FAM72B: variants seen among roughly 807,000 people sequenced by gnomAD.
FAM72B encodes the protein RUMY family member 2, also known as protein FAM72B.
Under a neutral mutation model 12.6 loss-of-function variants are expected in FAM72B, and 4 were observed. The ratio of observed to expected loss-of-function variants is 0.32; its 90% CI spans 0.16 to 0.73. FAM72B has a LOEUF of 0.73. Among genes scored for constraint, FAM72B ranks in the 30% least tolerant of loss-of-function variants. The probability of loss-of-function intolerance (pLI) is 0.67; values close to 1 mark genes in which losing one functional copy is unlikely to be tolerated. For synonymous variants in FAM72B, 13 were observed against 53.9 expected (o/e 0.24, Z 3.32); for missense variants, 61 against 158.4 (o/e 0.39, Z 3.30).
intron 3 of FAM72B, among the ~76,000 whole-genome samples, chr1:121,169,911 C>T (rs1316933257): frequency 6.6e-6 from 1 of 152,146 alleles, no homozygotes; most frequent in Non-Finnish European, 1.5e-5. Context: ...TAGTTAAAAA[C>T]ACTAAATGGA....
intron 3 of FAM72B, among the ~76,000 whole-genome samples, chr1:121,172,513 A>G (rs1255106482): frequency 1.4e-5 from 2 of 144,942 alleles, no homozygotes; most frequent in Non-Finnish European, 3.0e-5. Flanking sequence ...CTGTAATCCC[A>G]GCACTTTGGG....
chr1:121,170,133 G>C (rs587765430), intron 3 of FAM72B, among the ~76,000 whole-genome samples: 1 of 151,716 alleles, frequency 6.6e-6, no homozygotes, highest in Non-Finnish European at 1.5e-5. Context: ...ACCATGCCTG[G>C]GTAATTTTTG....
In FAM72B at chr1:121,172,565, C is replaced by T. The variant is rs1381467156; in HGVS notation, c.356-3730G>A. ...ATCACCTGAGGTCAGGAGGTCGAGA[C>T]CAGCCTGGGCAACATGGCAAAACCC... On this transcript the variant is annotated intron_variant, in intron 3 of 3. Transcript: ENST00000369390. Among the ~76,000 whole-genome samples the T allele has an allele frequency of 6.8e-5, 10 of 146,568 alleles. 2 individuals carry two copies. Among genetic ancestry groups the T allele is most frequent in the African/African-American group, 2.5e-4 (9 of 36,408 alleles).
chr1:121,172,542 C>G (rs1238787886), intron 3 of FAM72B, among the ~76,000 whole-genome samples: 1 of 146,666 alleles, frequency 6.8e-6, no homozygotes, highest in Non-Finnish European at 1.5e-5. Context: ...GTGGGCAGAT[C>G]ACCTGAGGTC....
intron 1 of FAM72B, 158 bp downstream of exon 1, chr1:121,183,180 C>G: frequency 4.0e-6 from 1 of 251,044 alleles, no homozygotes; most frequent in Non-Finnish European, 7.0e-6. Flanking sequence ...TTTGTCCAGA[C>G]AGTCTGCCCA....
At chr1:121,179,565 C>T (rs1238411850) in intron 2 of FAM72B, among the ~76,000 whole-genome samples, 25 of 151,802 alleles carry the variant, frequency 1.6e-4, no homozygotes, top group Middle Eastern at 6.8e-3. Context: ...CGGTGGCTCA[C>T]GCCTGTAATC....
At chr1:121,168,858 T>C (rs1553315774) in intron 3 of FAM72B, 23 bp from the exon 4 acceptor site, 1 of 1,601,552 alleles carries the variant, frequency 6.2e-7, no homozygotes, top group African/African-American at 1.3e-5. Flanking sequence ...AATCATAAAA[T>C]TCTTTAATGC....
chr1:121,174,615 C>T (rs1553316630), intron 3 of FAM72B, among the ~76,000 whole-genome samples: 1 of 151,234 alleles, frequency 6.6e-6, no homozygotes, highest in African/African-American at 2.4e-5. Flanking sequence ...GATCTGCCCG[C>T]CTTGGCCTCC....
chr1:121,175,031 C>A (rs1306872056), intron 3 of FAM72B, among the ~76,000 whole-genome samples: 10 of 152,038 alleles, frequency 6.6e-5, no homozygotes, highest in Admixed American at 5.9e-4. Context: ...AGAAGTAATA[C>A]TTGGCTTCAA....
chr1:121,174,704 C>G (rs1177747954), intron 3 of FAM72B, among the ~76,000 whole-genome samples: 6 of 146,818 alleles, frequency 4.1e-5, no homozygotes, highest in African/African-American at 1.3e-4. Context: ...GAGTTTCACT[C>G]TTGGTGCAAT....
intron 3 of FAM72B, among the ~76,000 whole-genome samples, chr1:121,174,402 T>C (rs1184409959): frequency 6.7e-6 from 1 of 148,808 alleles, no homozygotes; most frequent in Non-Finnish European, 1.5e-5. Context: ...AGTTTCACTT[T>C]TGTTGCCCAG....
chr1:121,169,634 GA>G (rs1461448758), intron 3 of FAM72B, among the ~76,000 whole-genome samples: 3 of 152,052 alleles, frequency 2.0e-5, no homozygotes, highest in Non-Finnish European at 4.4e-5. Flanking sequence ...TTCTGATTCA[GA>G]AAAAAAGCAA....
At chr1:121,180,895 A>G (rs1490284860) in intron 2 of FAM72B, among the ~76,000 whole-genome samples, 1 of 152,222 alleles carries the variant, frequency 6.6e-6, no homozygotes, top group Admixed American at 6.5e-5. Flanking sequence ...AAATTAAATA[A>G]GAAAACAGAG....
Position 121,168,577 on chromosome 1 carries a change from A to G in FAM72B, c.*164T>C, listed in dbSNP as rs1209262958. 35 of 828,808 alleles carry G rather than the reference A, an allele frequency of 4.2e-5. No homozygotes were observed. In the Admixed American group the frequency reaches 4.3e-4, roughly 10 times the overall value. 51.3% of individuals were successfully genotyped at this position (828,808 alleles called of 1,614,324 possible). A position where few individuals can be genotyped will look rare whatever the true frequency, so the allele number is the denominator to read the frequency against. ...GAAAAGCACAACTCCACTGGCTTCA[A>G]TCAAACTGAGGTAACTAATTAGAGA... On this transcript the variant is annotated 3_prime_UTR_variant, in exon 4 of 4. Transcript: ENST00000369390.
At chr1:121,168,973 A>G in intron 3 of FAM72B, 138 bp from the exon 4 acceptor site, 1 of 582,030 alleles carries the variant, frequency 1.7e-6, no homozygotes, top group Non-Finnish European at 3.0e-6. Flanking sequence ...TGAAGAATGT[A>G]CTGCAAATAA....
chr1:121,179,530 A>C (rs1280193081), intron 2 of FAM72B, among the ~76,000 whole-genome samples: 2 of 151,540 alleles, frequency 1.3e-5, no homozygotes, highest in Non-Finnish European at 2.9e-5. Flanking sequence ...CTAAAAATAC[A>C]AAAATTAGCC....
At chr1:121,174,747 C>T (rs2101319754) in intron 3 of FAM72B, among the ~76,000 whole-genome samples, 1 of 144,808 alleles carries the variant, frequency 6.9e-6, no homozygotes, top group Non-Finnish European at 1.5e-5. Flanking sequence ...AACTCCACCT[C>T]CTGGGTTCAA....
At position 121,169,971 on chromosome 1, in the gene FAM72B, C is replaced by CT. The variant is rs57530078; in HGVS notation, c.356-1137dup. ...AATTAACTTCACAAGAAAAGCAAAT[C>CT]TTTTTTTTTTTCTTTTTGAGTCGGA... On this transcript the variant is annotated intron_variant, in intron 3 of 3. Transcript: ENST00000369390. Among the ~76,000 whole-genome samples, 91 of 147,340 alleles carry CT rather than the reference C, an allele frequency of 6.2e-4. 1 individual carries two copies. Among genetic ancestry groups the CT allele is most frequent in the Middle Eastern group, 3.5e-3 (1 of 284 alleles).
At chr1:121,180,558 G>T (rs1288153745) in intron 2 of FAM72B, among the ~76,000 whole-genome samples, 2 of 141,054 alleles carry the variant, frequency 1.4e-5, no homozygotes, top group Non-Finnish European at 3.1e-5. Flanking sequence ...CTCAAAAAAA[G>T]AAAGAAAGAA....
Sources: allele counts gnomAD v4.1 joint callset (sites outside exome capture counted in the v4.1 genomes callset), GRCh38; gene constraint gnomAD v4.1.1; transcripts MANE v1.5; gene names NCBI Gene and HGNC (gene_info 2026-07-23, HGNC 2026-07-21).